Variants in DBX2 observed in about 807,000 individuals in gnomAD.
DBX2 encodes the protein developing brain homeobox 2.
In DBX2, 16 loss-of-function variants were observed where a neutral mutation model predicts 17.7. The ratio of observed to expected loss-of-function variants is 0.90; its 90% CI spans 0.61 to 1.37. The LOEUF (loss-of-function observed/expected upper bound fraction) is 1.37, where lower values mean the gene tolerates loss of function less well. DBX2 is among the 40% of genes most tolerant of loss of function. DBX2 has a pLI of 0.00. For missense variants in DBX2, 538 were observed against 433.8 expected, an observed-to-expected ratio of 1.24 and a Z score of -2.13; for synonymous variants, 255 against 183.8, an observed-to-expected ratio of 1.39 and a Z score of -3.13.
At chr12:45,037,579 C>A (rs1162149658) in intron 1 of DBX2, among the ~76,000 whole-genome samples, 1 of 152,086 alleles carries the variant, frequency 6.6e-6, no homozygotes, top group Non-Finnish European at 1.5e-5. Context: ...ATTCAAGGGA[C>A]AACTTCTTTC....
intron 2 of DBX2, among the ~76,000 whole-genome samples, chr12:45,026,694 C>A (rs1344520168): frequency 6.6e-6 from 1 of 152,174 alleles, no homozygotes; most frequent in Non-Finnish European, 1.5e-5. Context: ...CCTGGCTAAG[C>A]CCTGGGTTAC....
chr12:45,016,139 C>CT lies in DBX2; in HGVS notation c.*146dup, dbSNP rs1565579164. 1 of 789,340 alleles carries CT rather than the reference C, an allele frequency of 1.3e-6. No individual in the cohort carries two copies. Among genetic ancestry groups the CT allele is most frequent in the Non-Finnish European group, 1.9e-6 (1 of 534,196 alleles). 48.9% of individuals were successfully genotyped at this position (789,340 alleles called of 1,614,324 possible). ...GAGTCTAGGGCCAAACAAGAGAACA[C>CT]TAGAGTGGGTTTCCTAAAGCATTAG... On this transcript the variant is annotated 3_prime_UTR_variant, in exon 4 of 4. Coordinates refer to ENST00000332700, the MANE Select transcript of DBX2 (RefSeq NM_001004329.3).
At chr12:45,045,713 T>A (rs1420638082) in intron 1 of DBX2, among the ~76,000 whole-genome samples, 1 of 151,948 alleles carries the variant, frequency 6.6e-6, no homozygotes, top group East Asian at 1.9e-4. Flanking sequence ...CCTTTGTTTT[T>A]TTATTTGTTT....
At chr12:45,035,878 T>C in intron 2 of DBX2, 141 bp downstream of exon 2, 1 of 786,930 alleles carries the variant, frequency 1.3e-6, no homozygotes, top group Non-Finnish European at 2.0e-6. Flanking sequence ...TGGAAACCTC[T>C]TGAATAAGAT....
intron 3 of DBX2, among the ~76,000 whole-genome samples, chr12:45,023,138 T>C (rs1274337468): frequency 1.3e-5 from 2 of 152,202 alleles, no homozygotes; most frequent in African/African-American, 2.4e-5. Context: ...CATTCACAAT[T>C]ATATGAAACC....
intron 3 of DBX2, among the ~76,000 whole-genome samples, chr12:45,022,300 T>TTG (rs1946356864): frequency 1.5e-5 from 2 of 130,582 alleles, no homozygotes; most frequent in Non-Finnish European, 3.3e-5. Flanking sequence ...TAATAACTGT[T>TTG]TTTTTTTTTT....
At chr12:45,019,988 T>C (rs936239479) in intron 3 of DBX2, among the ~76,000 whole-genome samples, 3 of 152,180 alleles carry the variant, frequency 2.0e-5, no homozygotes, top group Admixed American at 6.5e-5. Flanking sequence ...GAAGCATATA[T>C]GATTCTATTT....
chr12:45,047,289 A>C (rs1946505404), intron 1 of DBX2, among the ~76,000 whole-genome samples: 1 of 152,150 alleles, frequency 6.6e-6, no homozygotes, highest in South Asian at 2.1e-4. Context: ...ATCAGAGTTT[A>C]CTCAAAAAAC....
intron 2 of DBX2, among the ~76,000 whole-genome samples, chr12:45,032,129 G>C (rs1396096675): frequency 2.0e-5 from 3 of 151,454 alleles, no homozygotes; most frequent in African/African-American, 7.3e-5. Context: ...CCATCAACTT[G>C]GAAAATCTAT....
chr12:45,034,981 T>C (rs992013653), intron 2 of DBX2, among the ~76,000 whole-genome samples: 1 of 152,268 alleles, frequency 6.6e-6, no homozygotes, highest in Non-Finnish European at 1.5e-5. Flanking sequence ...TCACCCATTG[T>C]GGCCAGGCCC....
chr12:45,019,231 C>T (rs1354365669), intron 3 of DBX2, among the ~76,000 whole-genome samples: 1 of 151,830 alleles, frequency 6.6e-6, no homozygotes, highest in Non-Finnish European at 1.5e-5. Context: ...ATATACTAAC[C>T]ATAATATTCC....
chr12:45,018,381 T>TA (rs1343813734), intron 3 of DBX2, among the ~76,000 whole-genome samples: 1 of 152,126 alleles, frequency 6.6e-6, no homozygotes, highest in East Asian at 1.9e-4. Flanking sequence ...ATCAATGGTG[T>TA]TGAGACAAAT....
intron 1 of DBX2, among the ~76,000 whole-genome samples, chr12:45,041,911 G>T (rs1946473498): frequency 6.6e-6 from 1 of 152,136 alleles, no homozygotes; most frequent in African/African-American, 2.4e-5. Flanking sequence ...TCCAAGTTCA[G>T]TTTTGTTCAG....
chr12:45,050,894 CACCG>C lies in DBX2; in HGVS notation c.30_33del (p.Gly11ArgfsTer28). 6.6e-7 allele frequency: 1 copy of C among 1,520,188 alleles called. No individual in the cohort carries two copies. Among genetic ancestry groups the C allele is most frequent in the South Asian group, 1.2e-5 (1 of 80,134 alleles). 94.2% of individuals were successfully genotyped at this position (1,520,188 alleles called of 1,614,324 possible). ...GAGGAAGCCACAACGTCCCAGTACG[CACCG>C]GCGTGGGCTGCGACCGCGCTGGGGA... On this transcript the variant is annotated frameshift_variant, in exon 1 of 4. Transcript: ENST00000332700. LOFTEE classifies it high-confidence loss of function.
At chr12:45,027,907 C>G (rs943752092) in intron 2 of DBX2, among the ~76,000 whole-genome samples, 50 of 152,068 alleles carry the variant, frequency 3.3e-4, no homozygotes, top group Admixed American at 3.3e-3. Flanking sequence ...AGAAAAAGTC[C>G]AAGAATAATA....
chr12:45,024,366 T>A (rs1171816381), intron 2 of DBX2, among the ~76,000 whole-genome samples: 3 of 152,188 alleles, frequency 2.0e-5, no homozygotes, highest in African/African-American at 7.2e-5. Flanking sequence ...CAGTCTCGGG[T>A]ATGTCTTAAT....
chr12:45,029,120 T>A (rs1946396034), intron 2 of DBX2, among the ~76,000 whole-genome samples: 1 of 152,182 alleles, frequency 6.6e-6, no homozygotes, highest in Admixed American at 6.5e-5. Context: ...CATAAATTTA[T>A]GACAAATGTC....
chr12:45,050,692 C>T lies in DBX2; in HGVS notation c.236G>A (p.Ser79Asn), dbSNP rs1946526946. The T allele has an allele frequency of 6.5e-6, 10 of 1,532,076 alleles. No individual in the cohort carries two copies. The highest frequency in any genetic ancestry group is 8.8e-6 in the Non-Finnish European group (10 of 1,139,696). 94.9% of individuals were successfully genotyped at this position (1,532,076 alleles called of 1,614,324 possible). Residue 79 changes from serine (S) to asparagine (N), a missense_variant, in exon 1 of 4, where the codon AGC (serine) becomes AAC (asparagine). Ser to Asn is a conservative substitution (Grantham distance 46). Coordinates refer to ENST00000332700, the MANE Select transcript of DBX2 (RefSeq NM_001004329.3). ...AGAQLRPLPA[S>N]PVPLKLCPAA... is the part of the protein sequence containing the mutation. ...GGGGCACAGCTTTAGGGGAACTGGG[C>T]TAGCAGGCAGGGGCCGGAGCTGCGC...
intron 1 of DBX2, among the ~76,000 whole-genome samples, chr12:45,045,972 A>T (rs1475808377): frequency 1.3e-5 from 2 of 152,196 alleles, no homozygotes; most frequent in Non-Finnish European, 2.9e-5. Flanking sequence ...AAGTAAGTGG[A>T]AAGTTCTAAA....
Sources: allele counts gnomAD v4.1 joint callset (sites outside exome capture counted in the v4.1 genomes callset), GRCh38; gene constraint gnomAD v4.1.1; transcripts MANE v1.5; gene names NCBI Gene and HGNC (gene_info 2026-07-23, HGNC 2026-07-21).